The following FGF10 variants were observed in gnomAD, a reference collection of about 807,000 sequenced individuals.
The protein encoded by FGF10 is FGF-10.
A neutral mutation model predicts 19.8 loss-of-function variants in FGF10; 2 were observed. The ratio of observed to expected loss-of-function variants is 0.10; its 90% confidence interval spans 0.04 to 0.32. FGF10 has a LOEUF of 0.32. Among genes scored for constraint, FGF10 ranks in the 10% least tolerant of loss-of-function variants. The pLI is 1.00. For missense variants in FGF10, 191 were observed against 246.3 expected (o/e 0.78, Z 1.50); for synonymous variants, 112 against 94.0 (o/e 1.19, Z -1.10).
At chr5:44,350,330 G>A (rs1375291568) in intron 1 of FGF10, among the ~76,000 whole-genome samples, 1 of 150,778 alleles carries the variant, frequency 6.6e-6, no homozygotes, top group Non-Finnish European at 1.5e-5. Flanking sequence ...AGGATAAAAT[G>A]TACTGTATAC....
At chr5:44,369,651 C>T (rs1741701649) in intron 1 of FGF10, among the ~76,000 whole-genome samples, 3 of 152,114 alleles carry the variant, frequency 2.0e-5, no homozygotes, top group Non-Finnish European at 2.9e-5. Flanking sequence ...CTTTAGCACA[C>T]ACGCACTCAG....
chr5:44,339,662 T>G (rs2330544), intron 1 of FGF10, among the ~76,000 whole-genome samples: 82,260 of 151,960 alleles, frequency 0.54, 24,213 homozygotes, highest in Non-Finnish European at 0.67. Context: ...AATGATGTCT[T>G]CTTATCTTCA....
In FGF10 at chr5:44,374,690, G is replaced by A. The variant is rs1293729961; in HGVS notation, c.325+13668C>T. On this transcript the variant is annotated intron_variant, in intron 1 of 2. Coordinates refer to ENST00000264664, the MANE Select transcript of FGF10 (RefSeq NM_004465.2). ...TCTTCCTCTCTAAAATAATTACTAA[G>A]AATTGCTCATTTTTTAATAACCACC... 3.3e-5 allele frequency among the ~76,000 whole-genome samples: 5 copies of A among 151,954 alleles called. 1 individual carries two copies. The South Asian group carries it at 1.0e-3, about 32-fold the overall frequency.
chr5:44,349,462 AT>A (rs1339931252), intron 1 of FGF10, among the ~76,000 whole-genome samples: 4 of 31,946 alleles, frequency 1.3e-4, no homozygotes, highest in African/African-American at 3.4e-4. Flanking sequence ...ATATATATAT[AT>A]ATATATCAGA....
Position 44,348,742 on chromosome 5 carries a change from T to G in FGF10, c.326-38212A>C, listed in dbSNP as rs534687170. On this transcript the variant is annotated intron_variant, in intron 1 of 2. Transcript: ENST00000264664. The stretch of plus-strand genomic sequence containing the variant: ...ACATATTTATAAAAAGAATCTGTTA[T>G]TTATCTGAAGTCCATATTTAATTGG... Among the ~76,000 whole-genome samples, 41 of 151,738 alleles carry G rather than the reference T, an allele frequency of 2.7e-4. No homozygotes were observed. The South Asian group carries it at 3.1e-3, about 11-fold the overall frequency.
intron 2 of FGF10, 56 bp from the exon 3 acceptor site, chr5:44,305,248 T>C (rs1740049075): frequency 1.3e-6 from 2 of 1,526,920 alleles, no homozygotes; most frequent in African/African-American, 2.7e-5. Flanking sequence ...TGATTTCATT[T>C]GATACAAGCC....
chr5:44,356,996 T>C (rs147066422), intron 1 of FGF10, among the ~76,000 whole-genome samples: 31 of 151,468 alleles, frequency 2.0e-4, no homozygotes, highest in Non-Finnish European at 1.5e-4. Flanking sequence ...AATGTTTCAC[T>C]TCTTTCTGCT....
intron 1 of FGF10, among the ~76,000 whole-genome samples, chr5:44,328,337 C>A (rs866693276): frequency 1.3e-5 from 2 of 152,112 alleles, no homozygotes; most frequent in African/African-American, 4.8e-5. Context: ...AAACATATAA[C>A]CAGTTGTTTT....
intron 1 of FGF10, among the ~76,000 whole-genome samples, chr5:44,324,871 T>C (rs893230415): frequency 6.6e-6 from 1 of 152,162 alleles, no homozygotes; most frequent in African/African-American, 2.4e-5. Flanking sequence ...CATCCAACAG[T>C]TTCATACTAT....
intron 1 of FGF10, among the ~76,000 whole-genome samples, chr5:44,311,247 C>T (rs1426371090): frequency 6.6e-6 from 1 of 151,852 alleles, no homozygotes; most frequent in African/African-American, 2.4e-5. Flanking sequence ...TCCTTTTCCC[C>T]TTATACACAA....
At chr5:44,353,681 G>C (rs1741284142) in intron 1 of FGF10, among the ~76,000 whole-genome samples, 2 of 151,526 alleles carry the variant, frequency 1.3e-5, no homozygotes, top group Non-Finnish European at 3.0e-5. Flanking sequence ...AAAATAGCTG[G>C]TAAGTAAGGA....
chr5:44,362,268 T>C (rs1741506006), intron 1 of FGF10, among the ~76,000 whole-genome samples: 1 of 151,738 alleles, frequency 6.6e-6, no homozygotes, highest in South Asian at 2.1e-4. Flanking sequence ...GTCTTGGAGA[T>C]AGTCCATATA....
chr5:44,378,872 G>A (rs1352708836), intron 1 of FGF10, among the ~76,000 whole-genome samples: 1 of 152,082 alleles, frequency 6.6e-6, no homozygotes, highest in Non-Finnish European at 1.5e-5. Context: ...AGGAAGCATC[G>A]TATTTACTTT....
chr5:44,326,468 G>A (rs539378923), intron 1 of FGF10, among the ~76,000 whole-genome samples: 1 of 152,038 alleles, frequency 6.6e-6, no homozygotes, highest in Non-Finnish European at 1.5e-5. Context: ...CCATGATCAT[G>A]GCTCATTACA....
intron 1 of FGF10, among the ~76,000 whole-genome samples, chr5:44,341,818 T>G (rs1740977860): frequency 6.6e-6 from 1 of 152,012 alleles, no homozygotes; most frequent in African/African-American, 2.4e-5. Context: ...CAGGTCTGCC[T>G]TATACTCTTT....
chr5:44,371,477 T>A (rs982444709), intron 1 of FGF10, among the ~76,000 whole-genome samples: 4 of 152,146 alleles, frequency 2.6e-5, no homozygotes, highest in African/African-American at 9.7e-5. Context: ...TCTCTCACCT[T>A]TAAATATAAA....
At chr5:44,384,068 T>C (rs1742045455) in intron 1 of FGF10, among the ~76,000 whole-genome samples, 1 of 152,120 alleles carries the variant, frequency 6.6e-6, no homozygotes, top group Non-Finnish European at 1.5e-5. Flanking sequence ...ATGTATGGCT[T>C]AAGTCTCTAA....
intron 1 of FGF10, among the ~76,000 whole-genome samples, chr5:44,313,976 G>A (rs902473481): frequency 2.0e-5 from 3 of 152,102 alleles, no homozygotes; most frequent in Non-Finnish European, 4.4e-5. Flanking sequence ...ATGTTACATG[G>A]CAGTAAGTGA....
At chr5:44,378,346 C>T (rs544771619) in intron 1 of FGF10, among the ~76,000 whole-genome samples, 1 of 152,196 alleles carries the variant, frequency 6.6e-6, no homozygotes, top group South Asian at 2.1e-4. Context: ...CAATCTGTTT[C>T]TTCTACCAAT....
Sources: allele counts gnomAD v4.1 joint callset (sites outside exome capture counted in the v4.1 genomes callset), GRCh38; gene constraint gnomAD v4.1.1; transcripts MANE v1.5; gene names NCBI Gene and HGNC (gene_info 2026-07-23, HGNC 2026-07-21).